The following COX7A1 variants were observed in gnomAD, a reference collection of about 807,000 sequenced individuals.
The protein encoded by COX7A1 is cytochrome c oxidase subunit 7A1, also known as cytochrome c oxidase subunit 7A1, mitochondrial.
Under a neutral mutation model 13.2 loss-of-function variants are expected in COX7A1, and 21 were observed. The ratio of observed to expected loss-of-function variants is 1.59; its 90% CI spans 1.13 to 2.29. COX7A1 has a LOEUF of 2.29. Ranked by LOEUF, COX7A1 falls within the 30% of genes most tolerant of loss-of-function variation. The pLI, the probability that COX7A1 is intolerant of heterozygous loss-of-function variation, is 0.00. For synonymous variants in COX7A1, 41 were observed against 41.9 expected (o/e 0.98, Z 0.08); for missense variants, 107 against 100.0 (o/e 1.07, Z -0.30).
At chr19:36,151,386 C>G in intron 3 of COX7A1, 76 bp downstream of exon 3, 1 of 1,532,536 alleles carries the variant, frequency 6.5e-7, no homozygotes, top group Non-Finnish European at 9.0e-7. Context: ...CTGGTCAGTC[C>G]TGCCCAGAAA....
chr19:36,151,274 T>A (rs563322505), intron 3 of COX7A1, among the ~76,000 whole-genome samples, 188 bp downstream of exon 3: 1 of 151,960 alleles, frequency 6.6e-6, no homozygotes, highest in South Asian at 2.1e-4. Context: ...CCAGCCCCCG[T>A]CCTGGGACAA....
intron 1 of COX7A1, 146 bp from the exon 2 acceptor site, chr19:36,151,901 T>G: frequency 1.2e-6 from 1 of 800,870 alleles, no homozygotes; most frequent in Non-Finnish European, 2.2e-6. Flanking sequence ...TGGATTCTGT[T>G]ACCCGCGAAC....
At chr19:36,151,218 G>A (rs979004483) in intron 3 of COX7A1, among the ~76,000 whole-genome samples, 184 bp from the exon 4 acceptor site, 5 of 152,080 alleles carry the variant, frequency 3.3e-5, no homozygotes, top group Admixed American at 6.5e-5. Context: ...ACCGGGCTGG[G>A]AGCTTTCTCC....
Position 36,151,724 on chromosome 19 carries a change from G to A in COX7A1, c.47C>T (p.Ser16Phe). Residue 16 changes from serine to phenylalanine, a missense_variant, in exon 2 of 4, where the codon TCC becomes TTC. Ser to Phe is a radical substitution (Grantham distance 155). Transcript: ENST00000292907. ...GTTCTGAAAGCGGTTCCGGGCGGTG[G>A]AGCTGAAGGAGCGGATCAGCGCCTG... ...VSQALIRSFS[S>F]TARNRFQNRV... The A allele has an allele frequency of 1.2e-6, 2 of 1,607,676 alleles. No homozygotes were observed. The highest frequency in any genetic ancestry group is 1.7e-6 in the Non-Finnish European group (2 of 1,177,564).
chr19:36,151,659 G>GCCCCCCCC lies in COX7A1; in HGVS notation c.102+9_102+10insGGGGGGGG. 4.6e-6 allele frequency: 6 copies of GCCCCCCCC among 1,309,734 alleles called. No homozygotes were observed. The highest frequency in any genetic ancestry group is 2.1e-4 in the Middle Eastern group (1 of 4,856). The allele number at this position is 1,309,734 out of a possible 1,614,324, so 81.1% of individuals were successfully genotyped here. The stretch of plus-strand genomic sequence containing the variant: ...GGCGCGTCGGATCCCCACCCCCCCC[G>GCCCCCCCC]ACCCCCCACCTGGAAGAGCTTCTGT... On this transcript the variant is annotated intron_variant, in intron 2 of 3. Transcript: ENST00000292907.
In COX7A1 at chr19:36,151,657, C is replaced by A. The variant is rs751339646; in HGVS notation, c.102+12G>T. On this transcript the variant is annotated intron_variant, in intron 2 of 3. Transcript: ENST00000292907. ...CTGGCGCGTCGGATCCCCACCCCCC[C>A]CGACCCCCCACCTGGAAGAGCTTCT... 432 of 1,473,940 alleles carry A rather than the reference C, an allele frequency of 2.9e-4. 6 individuals carry two copies. Among genetic ancestry groups the A allele is most frequent in the Non-Finnish European group, 7.8e-5 (86 of 1,097,706 alleles). The allele number at this position is 1,473,940 out of a possible 1,614,324, so 91.3% of individuals were successfully genotyped here. A position where few individuals can be genotyped will look rare whatever the true frequency, so the allele number is the denominator to read the frequency against.
In COX7A1 at chr19:36,151,725, A is replaced by G. The variant is rs1444500808; in HGVS notation, c.46T>C (p.Ser16Pro). The stretch of plus-strand genomic sequence containing the variant: ...TTCTGAAAGCGGTTCCGGGCGGTGG[A>G]GCTGAAGGAGCGGATCAGCGCCTGG... ...VSQALIRSFS[S>P]TARNRFQNRV... The change falls in exon 2 of 4, where the codon TCC (serine) becomes CCC (proline). Residue 16 changes from serine to proline, a missense_variant. Ser to Pro is a moderately conservative substitution (Grantham distance 74). Transcript: ENST00000292907. 7.2e-7 allele frequency: 1 copy of G among 1,383,926 alleles called. No individual in the cohort carries two copies. The highest frequency in any genetic ancestry group is 9.6e-7 in the Non-Finnish European group (1 of 1,040,438). 85.7% of individuals were successfully genotyped at this position (1,383,926 alleles called of 1,614,324 possible). A position where few individuals can be genotyped will look rare whatever the true frequency, so the allele number is the denominator to read the frequency against.
rs372662024 is a variant in COX7A1 at position 36,151,566 on chromosome 19, A to G, written c.103-20T>C. On this transcript the variant is annotated intron_variant, in intron 2 of 3. Coordinates refer to ENST00000292907, the MANE Select transcript of COX7A1 (RefSeq NM_001864.4). Reference sequence around the variant, plus strand: ...GTCCTCCTGGATGTGGGGGTGTCTGATGAGAAAGGGGTGCTGGCTGCTCCT... The same window carrying G: ...GTCCTCCTGGATGTGGGGGTGTCTGGTGAGAAAGGGGTGCTGGCTGCTCCT... 6.8e-6 allele frequency: 11 copies of G among 1,613,834 alleles called. No homozygotes were observed. The highest frequency in any genetic ancestry group is 9.3e-6 in the Non-Finnish European group (11 of 1,179,894).
intron 3 of COX7A1, 50 bp from the exon 4 acceptor site, chr19:36,151,084 G>A: frequency 6.3e-7 from 1 of 1,580,748 alleles, no homozygotes; most frequent in South Asian, 1.1e-5. Flanking sequence ...CCCCTCCCTG[G>A]ACATCCCAGG....
Position 36,151,660 on chromosome 19 carries a change from A to ACCCCCC in COX7A1, c.102+3_102+8dup, listed in dbSNP as rs3214131. 3.4e-5 allele frequency: 38 copies of ACCCCCC among 1,114,348 alleles called. No homozygotes were observed. The highest frequency in any genetic ancestry group is 1.3e-4 in the Admixed American group (6 of 46,690). 69.0% of individuals were successfully genotyped at this position (1,114,348 alleles called of 1,614,324 possible). On this transcript the variant is annotated intron_variant, in intron 2 of 3. Transcript: ENST00000292907. ...GCGCGTCGGATCCCCACCCCCCCCG[A>ACCCCCC]CCCCCCACCTGGAAGAGCTTCTGTT...
At position 36,152,389 on chromosome 19, in the gene COX7A1, T is replaced by A; in HGVS notation, c.15+4A>T. On this transcript the variant is annotated splice_donor_region_variant and intron_variant, in intron 1 of 3. Transcript: ENST00000292907. The stretch of plus-strand genomic sequence containing the variant: ...GGCTCCGGCCCAGCCCATGGGGGCC[T>A]CACCCGAAGGGCCTGCATTCTGCCT... 7.4e-7 allele frequency: 1 copy of A among 1,359,348 alleles called. No individual in the cohort carries two copies. The highest frequency in any genetic ancestry group is 9.6e-7 in the Non-Finnish European group (1 of 1,046,000). The allele number at this position is 1,359,348 out of a possible 1,614,324, so 84.2% of individuals were successfully genotyped here.
rs750588406 is a variant in COX7A1 at position 36,151,650 on chromosome 19, AC to A, written c.102+18del. The A allele has an allele frequency of 2.8e-4, 298 of 1,077,098 alleles. No homozygotes were observed. The highest frequency in any genetic ancestry group is 3.2e-4 in the Non-Finnish European group (246 of 773,986). 66.7% of individuals were successfully genotyped at this position (1,077,098 alleles called of 1,614,324 possible). ...CTCCCGGCTGGCGCGTCGGATCCCC[AC>A]CCCCCCCGACCCCCCACCTGGAAGA... is the stretch of plus-strand genomic sequence containing the variant. On this transcript the variant is annotated intron_variant, in intron 2 of 3. Coordinates refer to ENST00000292907, the MANE Select transcript of COX7A1 (RefSeq NM_001864.4).
intron 3 of COX7A1, 22 bp from the exon 4 acceptor site, chr19:36,151,056 G>A: frequency 6.2e-7 from 1 of 1,610,978 alleles, no homozygotes; most frequent in Non-Finnish European, 8.5e-7. Flanking sequence ...AAGCGTTGGA[G>A]ACAGAATGAG....
rs1568398569 is a variant in COX7A1 at position 36,151,479 on chromosome 19, A to G, written c.170T>C (p.Met57Thr). The change falls in exon 3 of 4, where the codon ATG (methionine) becomes ACG (threonine). Residue 57 changes from methionine (M) to threonine (T), a missense_variant. Met to Thr is a moderately conservative substitution (Grantham distance 81). Transcript: ENST00000292907. The part of the protein sequence containing the change: ...IVDNILYRVT[M>T]TLCLGGTVYS... The stretch of plus-strand genomic sequence containing the variant: ...GCGCTCACCGCCCAGACACAGCGTC[A>G]TTGTCACTCGGTACAGGATGTTGTC... 3 of 1,614,062 alleles carry G rather than the reference A, an allele frequency of 1.9e-6. No individual in the cohort carries two copies. In the South Asian group the frequency reaches 3.3e-5, roughly 18 times the overall value.
chr19:36,151,181 T>C, intron 3 of COX7A1, 147 bp from the exon 4 acceptor site: 1 of 879,304 alleles, frequency 1.1e-6, no homozygotes, highest in Non-Finnish European at 1.7e-6. Context: ...TGGACTCCTA[T>C]TGTAAAGCCC....
intron 3 of COX7A1, among the ~76,000 whole-genome samples, 185 bp from the exon 4 acceptor site, chr19:36,151,219 A>G (rs1286931542): frequency 1.3e-5 from 2 of 151,864 alleles, no homozygotes; most frequent in East Asian, 1.9e-4. Flanking sequence ...CCGGGCTGGG[A>G]GCTTTCTCCC....
In COX7A1 at chr19:36,151,651, C is replaced by A. The variant is rs745397036; in HGVS notation, c.102+18G>T. ...TCCCGGCTGGCGCGTCGGATCCCCA[C>A]CCCCCCCGACCCCCCACCTGGAAGA... On this transcript the variant is annotated intron_variant, in intron 2 of 3. Coordinates refer to ENST00000292907, the MANE Select transcript of COX7A1 (RefSeq NM_001864.4). 3.9e-6 allele frequency: 5 copies of A among 1,283,724 alleles called. No individual in the cohort carries two copies. The highest frequency in any genetic ancestry group is 2.3e-5 in the Admixed American group (1 of 43,672). 79.5% of individuals were successfully genotyped at this position (1,283,724 alleles called of 1,614,324 possible).
intron 2 of COX7A1, 24 bp downstream of exon 2, chr19:36,151,645 T>TCCCCCCCCCCCCCCCCCCCCCCCCCCC: frequency 7.2e-7 from 1 of 1,387,630 alleles, no homozygotes. Flanking sequence ...GCGCGTCGGA[T>TCCCCCCCCCCCCCCCCCCCCCCCCCCC]CCCCACCCCC....
At position 36,151,650 on chromosome 19, in the gene COX7A1, A is replaced by G. The variant is rs375173190; in HGVS notation, c.102+19T>C. On this transcript the variant is annotated intron_variant, in intron 2 of 3. Coordinates refer to ENST00000292907, the MANE Select transcript of COX7A1 (RefSeq NM_001864.4). Reference sequence around the variant, plus strand: ...CTCCCGGCTGGCGCGTCGGATCCCCACCCCCCCCGACCCCCCACCTGGAAG... The same window carrying G: ...CTCCCGGCTGGCGCGTCGGATCCCCGCCCCCCCCGACCCCCCACCTGGAAG... 86 of 1,080,826 alleles carry G rather than the reference A, an allele frequency of 8.0e-5. No individual in the cohort carries two copies. The highest frequency in any genetic ancestry group is 2.7e-4 in the African/African-American group (12 of 43,760). The allele number at this position is 1,080,826 out of a possible 1,614,324, so 67.0% of individuals were successfully genotyped here.
Sources: gnomAD v4.1 joint callset for allele counts (sites outside exome capture counted in the v4.1 genomes callset) on GRCh38, gnomAD v4.1.1 for gene constraint, MANE v1.5 for transcripts, NCBI Gene and HGNC (gene_info 2026-07-23, HGNC 2026-07-21) for gene names.